LAMB3: variants seen among roughly 807,000 people sequenced by gnomAD.
LAMB3 encodes the protein laminin subunit beta 3.
Under a neutral mutation model 140.3 loss-of-function variants are expected in LAMB3, and 104 were observed. The observed-to-expected ratio is 0.74, with a 90% CI of 0.63 to 0.87. The LOEUF is 0.87. Ranked by LOEUF, LAMB3 falls within the 40% of genes least tolerant of loss-of-function variation. The pLI, the probability that LAMB3 is intolerant of heterozygous loss-of-function variation, is 0.00. For synonymous variants in LAMB3, 592 were observed against 602.9 expected (o/e 0.98, Z 0.26); for missense variants, 1,531 against 1,575.2 (o/e 0.97, Z 0.47).
Position 209,632,785 on chromosome 1 carries a change from G to T in LAMB3, c.629-9C>A. 5 of 1,613,156 alleles carry T rather than the reference G, an allele frequency of 3.1e-6. No individual in the cohort carries two copies. The highest frequency in any genetic ancestry group is 4.2e-6 in the Non-Finnish European group (5 of 1,179,060). ...TGTGATCTCCCCCACCTCTGAGAGG[G>T]CCAAACAGCAAGGAGGGAAGAGTTG... On this transcript the variant is annotated splice_polypyrimidine_tract_variant and intron_variant, in intron 7 of 22. Transcript: ENST00000356082.
At chr1:209,628,220 G>C (rs763633758) in intron 10 of LAMB3, 30 bp from the exon 11 acceptor site, 320 of 1,550,838 alleles carry the variant, frequency 2.1e-4, no homozygotes, top group Non-Finnish European at 2.7e-4. Flanking sequence ...ACCGCAGTAG[G>C]AACAAAGAAA....
In LAMB3 at chr1:209,623,042, C is replaced by T. The variant is rs759999121; in HGVS notation, c.2496G>A (p.Ala832=). The T allele has an allele frequency of 1.3e-5, 21 of 1,614,014 alleles. No individual in the cohort carries two copies. The highest frequency in any genetic ancestry group is 1.7e-5 in the Admixed American group (1 of 60,032). ...CCCGCAGCTGCTCAGCCACCTGCCC[C>T]GCCATCAAGAAGGCCCCACCGGCCC... ...LPRAGGAFLM[A]GQVAEQLRGF... is the part of the protein sequence containing the mutation. Residue 832 remains alanine (A), a synonymous_variant, in exon 17 of 23, where the codon GCG becomes GCA. Coordinates refer to ENST00000356082, the MANE Select transcript of LAMB3 (RefSeq NM_000228.3). The surrounding 1 kb of genome is among the most constrained non-coding windows in gnomAD (Gnocchi z 4.2).
At position 209,634,917 on chromosome 1, in the gene LAMB3, T is replaced by TTCTCTC. The variant is rs59855467; in HGVS notation, c.373-285_373-280dup. ...ACTTCGCACAGTTGACCATTTTTTA[T>TTCTCTC]TCTCTCTCTCTCTCTCTCTCTCTCT... On this transcript the variant is annotated intron_variant, in intron 5 of 22. Coordinates refer to ENST00000356082, the MANE Select transcript of LAMB3 (RefSeq NM_000228.3). Among the ~76,000 whole-genome samples, 477 of 136,220 alleles carry TTCTCTC rather than the reference T, an allele frequency of 3.5e-3. 5 individuals carry two copies. Among genetic ancestry groups the TTCTCTC allele is most frequent in the African/African-American group, 0.012 (432 of 34,710 alleles). 89.4% of individuals were successfully genotyped at this position (136,220 alleles called of 152,430 possible). A position where few individuals can be genotyped will look rare whatever the true frequency, so the allele number is the denominator to read the frequency against.
intron 3 of LAMB3, among the ~76,000 whole-genome samples, chr1:209,642,198 A>G (rs546937287): frequency 3.9e-5 from 6 of 152,358 alleles, no homozygotes; most frequent in African/African-American, 1.2e-4. Flanking sequence ...TATGAAAAAA[A>G]GCTGGGCATA....
At chr1:209,619,305 T>C (rs1370826304) in intron 18 of LAMB3, among the ~76,000 whole-genome samples, 1 of 152,244 alleles carries the variant, frequency 6.6e-6, no homozygotes, top group African/African-American at 2.4e-5. Context: ...CTGGTTTGTT[T>C]GGTCTCTTTT....
At chr1:209,642,146 G>GA (rs1470186145) in intron 3 of LAMB3, among the ~76,000 whole-genome samples, 2 of 152,142 alleles carry the variant, frequency 1.3e-5, no homozygotes, top group South Asian at 2.1e-4. Flanking sequence ...ACTGTTTAGA[G>GA]AAAAAATTTT....
At chr1:209,629,511 TA>T (rs1666596742) in intron 10 of LAMB3, among the ~76,000 whole-genome samples, 1 of 152,126 alleles carries the variant, frequency 6.6e-6, no homozygotes, top group Admixed American at 6.5e-5. Context: ...ATGCCCCAAA[TA>T]AAGCCTAACT....
intron 8 of LAMB3, among the ~76,000 whole-genome samples, chr1:209,631,027 C>G (rs959810215): frequency 6.6e-6 from 1 of 152,240 alleles, no homozygotes; most frequent in African/African-American, 2.4e-5. Context: ...CCATGACACC[C>G]AGTCAGAGGC....
chr1:209,622,674 C>T lies in LAMB3; in HGVS notation c.2563G>A (p.Ala855Thr), dbSNP rs2102413204. The stretch of plus-strand genomic sequence containing the variant: ...ATCTGTGAGGCAGATTCCTCGGCTG[C>T]CCTAATCTGTTGACATACACTCTAG... ...QLQRTRQMIR[A>T]AEESASQIQS... Residue 855 changes from alanine (A) to threonine (T), a missense_variant, in exon 18 of 23, where the codon GCA becomes ACA. Ala to Thr is a moderately conservative substitution (Grantham distance 58). Transcript: ENST00000356082. 3.7e-6 allele frequency: 6 copies of T among 1,614,116 alleles called. No homozygotes were observed. The highest frequency in any genetic ancestry group is 5.1e-6 in the Non-Finnish European group (6 of 1,180,024).
chr1:209,651,144 G>A (rs2076563513), intron 1 of LAMB3, 163 bp from the exon 2 acceptor site: 1 of 648,794 alleles, frequency 1.5e-6, no homozygotes, highest in Non-Finnish European at 2.9e-6. Context: ...CTTGGAAAAT[G>A]CTGGAGCTCT....
chr1:209,627,416 G>A lies in LAMB3; in HGVS notation c.1452C>T (p.Asp484=), dbSNP rs1269155104. 6.2e-7 allele frequency: 1 copy of A among 1,613,800 alleles called. No individual in the cohort carries two copies. Among genetic ancestry groups the A allele is most frequent in the Admixed American group, 1.7e-5 (1 of 60,022 alleles). The change falls in exon 12 of 23, where the codon GAC becomes GAT. Residue 484 remains aspartate (D), a synonymous_variant. Coordinates refer to ENST00000356082, the MANE Select transcript of LAMB3 (RefSeq NM_000228.3). ...ACTGTGGGCTGAGGGAGTTGTGCGG[G>A]TCGCAGGCACACGGTTCACAGCCCT... ...SGQGCEPCAC[D]PHNSLSPQCN... is the part of the protein sequence containing the mutation.
Position 209,632,788 on chromosome 1 carries a change from A to T in LAMB3, c.629-12T>A, listed in dbSNP as rs754222671. 6 of 1,612,872 alleles carry T rather than the reference A, an allele frequency of 3.7e-6. No homozygotes were observed. In the East Asian group the frequency reaches 1.3e-4, roughly 36 times the overall value. On this transcript the variant is annotated splice_polypyrimidine_tract_variant and intron_variant, in intron 7 of 22. Coordinates refer to ENST00000356082, the MANE Select transcript of LAMB3 (RefSeq NM_000228.3). ...GATCTCCCCCACCTCTGAGAGGGCC[A>T]AACAGCAAGGAGGGAAGAGTTGGAG...
intron 18 of LAMB3, among the ~76,000 whole-genome samples, chr1:209,620,835 A>T (rs1666162194): frequency 6.6e-6 from 1 of 152,210 alleles, no homozygotes; most frequent in African/African-American, 2.4e-5. Flanking sequence ...GAACTGGGAA[A>T]GGCGATGTTT....
At chr1:209,645,722 G>GAGAAAAA (rs1553280566) in intron 3 of LAMB3, among the ~76,000 whole-genome samples, 3 of 137,406 alleles carry the variant, frequency 2.2e-5, no homozygotes, top group Admixed American at 1.4e-4. Context: ...TGTCCCAGGG[G>GAGAAAAA]AAAAAAAAAA....
At chr1:209,651,726 G>C (rs1000656335) in intron 1 of LAMB3, among the ~76,000 whole-genome samples, 4 of 152,262 alleles carry the variant, frequency 2.6e-5, no homozygotes, top group African/African-American at 7.2e-5. Context: ...GCCACCGTGG[G>C]GTCCCAGAGG....
chr1:209,623,613 C>T lies in LAMB3; in HGVS notation c.2250G>A (p.Glu750=), dbSNP rs151058440. 3.2e-5 allele frequency: 51 copies of T among 1,614,138 alleles called. No individual in the cohort carries two copies. Among genetic ancestry groups the T allele is most frequent in the Non-Finnish European group, 4.2e-5 (49 of 1,180,052 alleles). The change falls in exon 16 of 23, where the codon GAG becomes GAA. Residue 750 remains glutamate, a synonymous_variant. Transcript: ENST00000356082. The surrounding 1 kb of genome is among the most constrained non-coding windows in gnomAD (Gnocchi z 4.2). ...CTCCTCCCGCCTGCCGCACCAGCCT[C>T]TCTGCCTCTCTCCGGCTGTCCCTGA... ...DQLRDSRREA[E]RLVRQAGGGG... is the part of the protein sequence containing the mutation.
Position 209,623,710 on chromosome 1 carries a change from A to C in LAMB3, c.2153T>G (p.Leu718Arg), listed in dbSNP as rs199517693. The change falls in exon 16 of 23, where the codon CTG (leucine) becomes CGG (arginine). Residue 718 changes from leucine to arginine, a missense_variant. Physicochemically the swap from Leu to Arg is moderately radical, Grantham distance 102. Transcript: ENST00000356082. This position sits in a 1 kb window ranked among gnomAD's most constrained non-coding sequence, Gnocchi z 4.2. ...GGCTGACTGCTCGTAGGCTGTGCTC[A>C]GCATCCGGAAGGCTCCTGTGGCGAG... Reference protein sequence around the residue: ...SADPSGAFRMLSTAYEQSAQA... With the variant: ...SADPSGAFRMRSTAYEQSAQA... 3.1e-6 allele frequency: 5 copies of C among 1,614,074 alleles called. No homozygotes were observed. The highest frequency in any genetic ancestry group is 4.2e-6 in the Non-Finnish European group (5 of 1,180,030).
At chr1:209,632,064 C>G (rs1300106905) in intron 8 of LAMB3, among the ~76,000 whole-genome samples, 6 of 152,200 alleles carry the variant, frequency 3.9e-5, no homozygotes, top group African/African-American at 1.4e-4. Context: ...AAACCCCATC[C>G]CTGCTGAAGC....
intron 3 of LAMB3, among the ~76,000 whole-genome samples, chr1:209,648,610 A>C (rs1019306687): frequency 6.6e-6 from 1 of 152,186 alleles, no homozygotes; most frequent in Non-Finnish European, 1.5e-5. Flanking sequence ...AGAGAGGCAG[A>C]GGGCAGGCCA....
Sources: gnomAD v4.1 joint callset for allele counts (sites outside exome capture counted in the v4.1 genomes callset) on GRCh38, gnomAD v4.1.1 for gene constraint, Gnocchi (gnomAD v3.1) non-coding constraint, MANE v1.5 for transcripts, NCBI Gene and HGNC (gene_info 2026-07-23, HGNC 2026-07-21) for gene names.